EPHA3: variants seen among roughly 807,000 people sequenced by gnomAD.
EPHA3 encodes ephrin type-A receptor 3.
A neutral mutation model predicts 107.1 loss-of-function variants in EPHA3; 42 were observed. That is an observed-to-expected ratio of 0.39 (90% CI 0.31 to 0.51). The LOEUF (loss-of-function observed/expected upper bound fraction) is 0.51. Ranked by LOEUF, EPHA3 falls within the 20% of genes least tolerant of loss-of-function variation. EPHA3 has a pLI of 0.78. For missense variants in EPHA3, 1,183 were observed against 1,211.2 expected (o/e 0.98, Z 0.35); for synonymous variants, 461 against 424.8 (o/e 1.09, Z -1.05).
chr3:89,463,124 A>G (rs1331652443), intron 15 of EPHA3, among the ~76,000 whole-genome samples: 2 of 8,264 alleles, frequency 2.4e-4, no homozygotes, highest in Non-Finnish European at 3.6e-4. Context: ...TATATGCTGG[A>G]TTACATTTAT....
chr3:89,407,105 A>G (rs1709069639), intron 7 of EPHA3, among the ~76,000 whole-genome samples, 164 bp from the exon 8 acceptor site: 1 of 152,158 alleles, frequency 6.6e-6, no homozygotes, highest in Non-Finnish European at 1.5e-5. Flanking sequence ...CTATTTTTTT[A>G]AACATTAAGT....
chr3:89,435,587 A>C (rs1047379547), intron 13 of EPHA3, among the ~76,000 whole-genome samples: 23 of 144,182 alleles, frequency 1.6e-4, no homozygotes, highest in Admixed American at 4.2e-4. Context: ...TTTATATATA[A>C]ATACATCTAT....
At chr3:89,407,217 T>C in intron 7 of EPHA3, 52 bp from the exon 8 acceptor site, 1 of 1,269,860 alleles carries the variant, frequency 7.9e-7, no homozygotes, top group Admixed American at 1.7e-5. Context: ...TCCATGTAGA[T>C]GTTAGTCATG....
intron 12 of EPHA3, among the ~76,000 whole-genome samples, chr3:89,430,265 G>A (rs1365440549): frequency 1.3e-5 from 2 of 152,060 alleles, no homozygotes; most frequent in Non-Finnish European, 2.9e-5. Context: ...ATGACAGAAA[G>A]ATAGATAGAT....
intron 10 of EPHA3, among the ~76,000 whole-genome samples, chr3:89,415,165 A>C (rs1042026660): frequency 6.6e-6 from 1 of 151,530 alleles, no homozygotes; most frequent in Admixed American, 6.6e-5. Context: ...AAAGCTAACA[A>C]TTTGTTAAAC....
intron 5 of EPHA3, among the ~76,000 whole-genome samples, chr3:89,373,200 G>A (rs1214045017): frequency 7.9e-5 from 12 of 151,786 alleles, no homozygotes; most frequent in Admixed American, 3.3e-4. Context: ...AAATAATTAT[G>A]TAAATCTTAA....
chr3:89,168,383 T>C (rs1424589906), intron 2 of EPHA3, among the ~76,000 whole-genome samples: 1 of 152,132 alleles, frequency 6.6e-6, no homozygotes, highest in Non-Finnish European at 1.5e-5. Context: ...TTATTTTTTG[T>C]GATTTTTTAT....
intron 2 of EPHA3, among the ~76,000 whole-genome samples, chr3:89,128,977 G>T (rs944181751): frequency 6.6e-6 from 1 of 152,074 alleles, no homozygotes; most frequent in Admixed American, 6.6e-5. Flanking sequence ...TTAGCACCTT[G>T]CTGGGTAAAG....
At position 89,352,447 on chromosome 3, in the gene EPHA3, G is replaced by A. The variant is rs376592939; in HGVS notation, c.1306+10357G>A. Among the ~76,000 whole-genome samples the A allele has an allele frequency of 4.0e-5, 6 of 151,086 alleles. 1 individual carries two copies. The highest frequency in any genetic ancestry group is 1.9e-4 in the East Asian group (1 of 5,160). On this transcript the variant is annotated intron_variant, in intron 5 of 16. Coordinates refer to ENST00000336596, the MANE Select transcript of EPHA3 (RefSeq NM_005233.6). Reference sequence around the variant, plus strand: ...TATGGACTCACTTACTATAAAAAACGTTTATAGGCTTTCTCGTTCATGGTT... The same window carrying A: ...TATGGACTCACTTACTATAAAAAACATTTATAGGCTTTCTCGTTCATGGTT...
intron 12 of EPHA3, among the ~76,000 whole-genome samples, chr3:89,429,684 C>G (rs1356625263): frequency 1.3e-5 from 2 of 149,744 alleles, no homozygotes; most frequent in African/African-American, 2.4e-5. Context: ...AAGCTTTATA[C>G]GTTTATCTAT....
intron 5 of EPHA3, among the ~76,000 whole-genome samples, chr3:89,385,577 C>T (rs1708600155): frequency 6.6e-6 from 1 of 152,114 alleles, no homozygotes; most frequent in Admixed American, 6.5e-5. Flanking sequence ...GTTGATTAAC[C>T]CACTTTCCTT....
At chr3:89,301,501 T>G (rs1384193621) in intron 3 of EPHA3, among the ~76,000 whole-genome samples, 1 of 152,086 alleles carries the variant, frequency 6.6e-6, no homozygotes, top group African/African-American at 2.4e-5. Flanking sequence ...GGATTTCATA[T>G]TAATTGAACT....
chr3:89,319,993 G>A (rs1707005808), intron 3 of EPHA3, among the ~76,000 whole-genome samples: 2 of 151,534 alleles, frequency 1.3e-5, no homozygotes. Context: ...GTACCTACAG[G>A]CAAAACAAGT....
At chr3:89,365,786 G>A (rs1708174929) in intron 5 of EPHA3, among the ~76,000 whole-genome samples, 1 of 150,588 alleles carries the variant, frequency 6.6e-6, no homozygotes, top group Non-Finnish European at 1.5e-5. Context: ...TAGGGTCTCT[G>A]CCTCCACTTT....
chr3:89,277,367 A>C (rs1705830802), intron 3 of EPHA3, among the ~76,000 whole-genome samples: 1 of 152,146 alleles, frequency 6.6e-6, no homozygotes, highest in South Asian at 2.1e-4. Context: ...GCTAACATTA[A>C]AATGGATATT....
At chr3:89,256,512 C>T (rs773882272) in intron 3 of EPHA3, among the ~76,000 whole-genome samples, 41 of 151,858 alleles carry the variant, frequency 2.7e-4, no homozygotes, top group African/African-American at 9.2e-4. Flanking sequence ...TGCATTGAGC[C>T]GAGATCGTGC....
intron 11 of EPHA3, among the ~76,000 whole-genome samples, chr3:89,427,847 T>C (rs1178673504): frequency 6.6e-6 from 1 of 151,934 alleles, no homozygotes; most frequent in Non-Finnish European, 1.5e-5. Context: ...TGTTACATAA[T>C]TCTAATCATG....
At chr3:89,404,403 A>T (rs1489390709) in intron 7 of EPHA3, among the ~76,000 whole-genome samples, 4 of 152,222 alleles carry the variant, frequency 2.6e-5, no homozygotes, top group Non-Finnish European at 4.4e-5. Flanking sequence ...TATGTCACAC[A>T]GCAAACAAAT....
At chr3:89,248,556 T>C (rs1274192888) in intron 3 of EPHA3, among the ~76,000 whole-genome samples, 2 of 152,208 alleles carry the variant, frequency 1.3e-5, no homozygotes, top group East Asian at 1.9e-4. Flanking sequence ...GGTGTAGTAA[T>C]AGATACACTT....
Sources: allele counts gnomAD v4.1 joint callset (sites outside exome capture counted in the v4.1 genomes callset), GRCh38; gene constraint gnomAD v4.1.1; transcripts MANE v1.5; gene names NCBI Gene and HGNC (gene_info 2026-07-23, HGNC 2026-07-21).